The following PRKDC variants were observed in gnomAD, a reference collection of about 807,000 sequenced individuals.
PRKDC encodes the protein DNA-dependent protein kinase catalytic subunit.
PRKDC carries 82 observed loss-of-function variants against 486.9 expected under a neutral mutation model. The observed-to-expected ratio is 0.17, with a 90% CI of 0.14 to 0.20. The LOEUF (loss-of-function observed/expected upper bound fraction) is 0.20, where lower values mean the gene tolerates loss of function less well. Ranked by LOEUF, PRKDC falls within the 10% of genes least tolerant of loss-of-function variation. PRKDC has a pLI of 1.00. For missense variants in PRKDC, 4,504 were observed against 5,038.2 expected (o/e 0.89, Z 3.21); for synonymous variants, 1,895 against 1,837.0 (o/e 1.03, Z -0.81).
chr8:47,899,002 T>C (rs768011644), intron 28 of PRKDC, among the ~76,000 whole-genome samples: 6 of 152,218 alleles, frequency 3.9e-5, no homozygotes, highest in Non-Finnish European at 7.3e-5. Flanking sequence ...TCCCTTGACC[T>C]CCCTTCCTAT....
intron 54 of PRKDC, 109 bp downstream of exon 54, chr8:47,849,045 A>G (rs2088340319): frequency 1.5e-6 from 2 of 1,366,546 alleles, no homozygotes; most frequent in Middle Eastern, 1.9e-4. Flanking sequence ...CAACTTCACA[A>G]ATGTGTATAT....
chr8:47,803,301 C>T lies in PRKDC; in HGVS notation c.9922+5G>A, dbSNP rs985025711. ...GATATAAGTGGATAAAAGCGGTCAA[C>T]TTACCCAACAAAGAGACTGTTTTCA... On this transcript the variant is annotated splice_donor_5th_base_variant and intron_variant, in intron 70 of 85. Transcript: ENST00000314191. 2.5e-6 allele frequency: 4 copies of T among 1,602,348 alleles called. No individual in the cohort carries two copies. The highest frequency in any genetic ancestry group is 3.4e-6 in the Non-Finnish European group (4 of 1,174,622).
At position 47,783,678 on chromosome 8, in the gene PRKDC, A is replaced by G. The variant is rs1447424769; in HGVS notation, c.11175+64T>C. On this transcript the variant is annotated intron_variant, in intron 78 of 85. Coordinates refer to ENST00000314191, the MANE Select transcript of PRKDC (RefSeq NM_006904.7). The stretch of plus-strand genomic sequence containing the variant: ...GTTGTCTCATATACTAAAGGCAAAC[A>G]GATCATTCTCATCTGAAGAACGTTC... The G allele has an allele frequency of 2.0e-6, 3 of 1,519,804 alleles. No individual in the cohort carries two copies. The Admixed American group carries it at 5.1e-5, about 26-fold the overall frequency. The allele number at this position is 1,519,804 out of a possible 1,614,324, so 94.1% of individuals were successfully genotyped here.
chr8:47,868,000 C>A (rs971018000), intron 40 of PRKDC, among the ~76,000 whole-genome samples: 1 of 152,100 alleles, frequency 6.6e-6, no homozygotes, highest in Non-Finnish European at 1.5e-5. Flanking sequence ...AACTGATTCC[C>A]AGAGAGAAAA....
chr8:47,882,766 A>T (rs550363968), intron 36 of PRKDC, among the ~76,000 whole-genome samples: 12 of 152,246 alleles, frequency 7.9e-5, no homozygotes, highest in African/African-American at 2.4e-4. Context: ...CTATGCAAAC[A>T]TTTTTCACAG....
intron 35 of PRKDC, 107 bp downstream of exon 35, chr8:47,887,440 C>T (rs2154501732): frequency 9.5e-7 from 1 of 1,054,532 alleles, no homozygotes; most frequent in Non-Finnish European, 1.3e-6. Flanking sequence ...AATACTTGTC[C>T]AGCTAAAACC....
At chr8:47,777,587 C>T in intron 84 of PRKDC, 99 bp downstream of exon 84, 1 of 1,184,294 alleles carries the variant, frequency 8.4e-7, no homozygotes, top group Admixed American at 2.4e-5. Flanking sequence ...ATATTTTCAT[C>T]AACATGACTC....
At chr8:47,848,642 T>C (rs1344657785) in intron 54 of PRKDC, among the ~76,000 whole-genome samples, 1 of 147,380 alleles carries the variant, frequency 6.8e-6, no homozygotes, top group Non-Finnish European at 1.5e-5. Flanking sequence ...AAAATAAAAG[T>C]TGAAAAAAAT....
intron 69 of PRKDC, among the ~76,000 whole-genome samples, chr8:47,803,742 G>A (rs1027524615): frequency 6.6e-6 from 1 of 152,064 alleles, no homozygotes; most frequent in Non-Finnish European, 1.5e-5. Context: ...CTGAGTCTAG[G>A]AATTTGAAAC....
At chr8:47,861,772 A>G (rs1411201442) in intron 44 of PRKDC, among the ~76,000 whole-genome samples, 1 of 152,228 alleles carries the variant, frequency 6.6e-6, no homozygotes, top group East Asian at 1.9e-4. Flanking sequence ...AACTTCTTTG[A>G]CTGGAGCAAT....
chr8:47,948,124 A>ACACACG lies in PRKDC; in HGVS notation c.722-4096_722-4095insCGTGTG, dbSNP rs922264497. 8.7e-5 allele frequency among the ~76,000 whole-genome samples: 13 copies of ACACACG among 148,628 alleles called. No homozygotes were observed. In the East Asian group the frequency reaches 9.8e-4, roughly 11 times the overall value. On this transcript the variant is annotated intron_variant, in intron 7 of 85. Transcript: ENST00000314191. ...CACACACACACACACACACACACAC[A>ACACACG]CGCGTTTATATATATGTATATATAT...
Position 47,849,476 on chromosome 8 carries a change from C to G in PRKDC, c.7033G>C (p.Val2345Leu). Residue 2345 changes from valine to leucine, a missense_variant, in exon 53 of 86, where the codon GTT (valine) becomes CTT (leucine). By Grantham distance (32) the Val-to-Leu change is conservative. Coordinates refer to ENST00000314191, the MANE Select transcript of PRKDC (RefSeq NM_006904.7). The part of the protein sequence containing the change: ...NILEESLCEL[V>L]AKQLKQHQNT... ...TGATGTTGCTTCAATTGTTTCGCAA[C>G]CAGTTCACACAGAGACTCCTCCAGT... The G allele has an allele frequency of 6.2e-7, 1 of 1,613,954 alleles. No homozygotes were observed. The highest frequency in any genetic ancestry group is 1.1e-5 in the South Asian group (1 of 91,072).
chr8:47,935,182 G>A (rs1934053549), intron 13 of PRKDC, 124 bp from the exon 14 acceptor site: 1 of 702,054 alleles, frequency 1.4e-6, no homozygotes, highest in Non-Finnish European at 2.3e-6. Context: ...TATTTTCTAA[G>A]TTCATTCACG....
At position 47,782,696 on chromosome 8, in the gene PRKDC, G is replaced by A. The variant is rs959175545; in HGVS notation, c.11176-98C>T. 88 of 1,326,324 alleles carry A rather than the reference G, an allele frequency of 6.6e-5. No homozygotes were observed. The highest frequency in any genetic ancestry group is 7.7e-5 in the Non-Finnish European group (75 of 970,142). 82.2% of individuals were successfully genotyped at this position (1,326,324 alleles called of 1,614,324 possible). On this transcript the variant is annotated intron_variant, in intron 78 of 85. Transcript: ENST00000314191. This position sits in a 1 kb window ranked among gnomAD's most constrained non-coding sequence, Gnocchi z 4.9. ...GCTGTGAGCATTCCTCCGTGGGGCC[G>A]CCCTCTGAAGACAGTGCCAAAGAGC...
At chr8:47,905,039 G>C (rs2089752281) in intron 25 of PRKDC, 63 bp from the exon 26 acceptor site, 1 of 1,220,036 alleles carries the variant, frequency 8.2e-7, no homozygotes, top group African/African-American at 1.5e-5. Flanking sequence ...CGCTGTAAAG[G>C]GTTCCATTTA....
chr8:47,929,211 A>G, intron 18 of PRKDC, 33 bp from the exon 19 acceptor site: 1 of 1,424,552 alleles, frequency 7.0e-7, no homozygotes, highest in South Asian at 1.2e-5. Flanking sequence ...AGTACACTGA[A>G]CAAGAATCGG....
intron 15 of PRKDC, among the ~76,000 whole-genome samples, chr8:47,933,414 T>TA (rs2090291373): frequency 1.3e-5 from 2 of 152,238 alleles, no homozygotes; most frequent in South Asian, 4.1e-4. Context: ...ACTTACTCTG[T>TA]ATACAGCAGT....
At chr8:47,853,734 A>C (rs1387292539) in intron 51 of PRKDC, among the ~76,000 whole-genome samples, 1 of 152,224 alleles carries the variant, frequency 6.6e-6, no homozygotes, top group Non-Finnish European at 1.5e-5. Flanking sequence ...TCCAGCATGG[A>C]TATGAAAAAA....
intron 4 of PRKDC, among the ~76,000 whole-genome samples, chr8:47,955,312 A>C (rs972827833): frequency 6.7e-6 from 1 of 150,290 alleles, no homozygotes; most frequent in African/African-American, 2.4e-5. Context: ...AATACAAAAA[A>C]TTAGCCGGGC....
Sources: allele counts gnomAD v4.1 joint callset (sites outside exome capture counted in the v4.1 genomes callset), GRCh38; gene constraint gnomAD v4.1.1; non-coding constraint Gnocchi (gnomAD v3.1); transcripts MANE v1.5; gene names NCBI Gene and HGNC (gene_info 2026-07-23, HGNC 2026-07-21).